DACH2: variants seen among roughly 807,000 people sequenced by gnomAD.
DACH2 encodes the protein dachshund family transcription factor 2.
In DACH2, 17 loss-of-function variants were observed where a neutral mutation model predicts 35.8. The ratio of observed to expected loss-of-function variants is 0.48; its 90% CI spans 0.33 to 0.71. The LOEUF is 0.71. Among genes scored for constraint, DACH2 ranks in the 30% least tolerant of loss-of-function variants. The probability of loss-of-function intolerance (pLI) is 0.02; values close to 1 mark genes in which losing one functional copy is unlikely to be tolerated. For missense variants in DACH2, 469 were observed against 472.7 expected (o/e 0.99, Z 0.07); for synonymous variants, 195 against 177.3 (o/e 1.10, Z -0.79).
intron 1 of DACH2, among the ~76,000 whole-genome samples, chrX:86,238,987 A>G (rs972719039): frequency 3.6e-5 from 4 of 111,467 alleles, no homozygotes; most frequent in Admixed American, 9.6e-5. Flanking sequence ...GGTGACTGCT[A>G]AAAGTGAGAA....
At chrX:86,426,404 T>C (rs184473751) in intron 2 of DACH2, among the ~76,000 whole-genome samples, 36 of 111,534 alleles carry the variant, frequency 3.2e-4, no homozygotes, top group Admixed American at 3.1e-3. Context: ...GGCTGTGTCA[T>C]CTATGATGTT....
chrX:86,277,804 C>T (rs1482342558), intron 1 of DACH2, among the ~76,000 whole-genome samples: 3 of 111,946 alleles, frequency 2.7e-5, no homozygotes, highest in African/African-American at 9.7e-5. Context: ...AAGAACTCAA[C>T]GTCCACCATT....
At chrX:86,546,323 C>T (rs1299764668) in intron 3 of DACH2, among the ~76,000 whole-genome samples, 1 of 89,363 alleles carries the variant, frequency 1.1e-5, no homozygotes, top group Non-Finnish European at 2.1e-5. Flanking sequence ...CTACCTCTTT[C>T]TTCTTCTTCT....
intron 2 of DACH2, among the ~76,000 whole-genome samples, chrX:86,445,979 G>A (rs1371598739): frequency 9.0e-6 from 1 of 111,492 alleles, no homozygotes. Context: ...TTGTGTTGCA[G>A]TCAATCTCTC....
intron 1 of DACH2, among the ~76,000 whole-genome samples, chrX:86,215,131 T>C (rs1330703458): frequency 9.0e-6 from 1 of 111,284 alleles, no homozygotes; most frequent in Non-Finnish European, 1.9e-5. Context: ...TTCTTCCCTC[T>C]CTTTCTCTGC....
intron 3 of DACH2, among the ~76,000 whole-genome samples, chrX:86,543,967 C>T (rs946539184): frequency 2.7e-5 from 3 of 109,754 alleles, no homozygotes; most frequent in Non-Finnish European, 5.7e-5. Flanking sequence ...CACATGTACC[C>T]TAAAACTTAA....
intron 4 of DACH2, among the ~76,000 whole-genome samples, chrX:86,683,827 T>C (rs1359748888): frequency 2.7e-5 from 3 of 111,311 alleles, no homozygotes; most frequent in Admixed American, 9.6e-5. Context: ...CTAGAGTAGG[T>C]AGATTATATT....
At chrX:86,251,323 T>G (rs2033395342) in intron 1 of DACH2, among the ~76,000 whole-genome samples, 1 of 111,402 alleles carries the variant, frequency 9.0e-6, no homozygotes, top group Non-Finnish European at 1.9e-5. Context: ...TTCTCTGTTA[T>G]TTCATTGACA....
chrX:86,164,087 G>GTTAT (rs1383977548), intron 1 of DACH2, among the ~76,000 whole-genome samples: 1 of 110,487 alleles, frequency 9.1e-6, no homozygotes, highest in African/African-American at 3.3e-5. Context: ...TCACCAGCAT[G>GTTAT]TTATTTATTT....
At chrX:86,758,129 T>C (rs1360880917) in intron 7 of DACH2, among the ~76,000 whole-genome samples, 3 of 111,855 alleles carry the variant, frequency 2.7e-5, no homozygotes, top group African/African-American at 9.7e-5. Flanking sequence ...TTTTATTTTG[T>C]TTCTTCGGGT....
chrX:86,611,617 G>C (rs1001342798), intron 3 of DACH2, among the ~76,000 whole-genome samples: 1 of 111,411 alleles, frequency 9.0e-6, no homozygotes, highest in Non-Finnish European at 1.9e-5. Flanking sequence ...ATTTCCCTCT[G>C]GCTAGGGTTG....
intron 2 of DACH2, among the ~76,000 whole-genome samples, chrX:86,418,620 C>G (rs748043483): frequency 9.0e-6 from 1 of 111,093 alleles, no homozygotes; most frequent in East Asian, 2.9e-4. Flanking sequence ...GCACACAGCA[C>G]GTGGACCCTG....
intron 3 of DACH2, among the ~76,000 whole-genome samples, chrX:86,542,948 G>A (rs1300118406): frequency 8.9e-6 from 1 of 112,291 alleles, no homozygotes; most frequent in South Asian, 3.7e-4. Context: ...GAGTCCATCT[G>A]ATGTTCACCC....
chrX:86,235,855 T>C (rs1012022659), intron 1 of DACH2, among the ~76,000 whole-genome samples: 3 of 111,894 alleles, frequency 2.7e-5, no homozygotes, highest in Middle Eastern at 4.2e-3. Flanking sequence ...GATACTAGGC[T>C]GGGCATGGTG....
At chrX:86,650,973 T>TA in intron 3 of DACH2, 63 bp from the exon 4 acceptor site, 1 of 1,024,736 alleles carries the variant, frequency 9.8e-7, no homozygotes, top group East Asian at 3.6e-5. Context: ...CCCCCAAATC[T>TA]AAAATAAAAG....
At chrX:86,193,482 T>G (rs756097320) in intron 1 of DACH2, among the ~76,000 whole-genome samples, 27 of 112,123 alleles carry the variant, frequency 2.4e-4, no homozygotes, top group Admixed American at 4.8e-4. Flanking sequence ...TTTTTCCCCT[T>G]ATTTAAATCA....
intron 2 of DACH2, among the ~76,000 whole-genome samples, chrX:86,511,490 C>A (rs774263905): frequency 1.6e-3 from 183 of 111,537 alleles, no homozygotes; most frequent in African/African-American, 5.3e-3. Flanking sequence ...AAGGGTCAAT[C>A]AGAAATTTTA....
At chrX:86,221,344 A>G (rs1001115388) in intron 1 of DACH2, among the ~76,000 whole-genome samples, 6 of 110,039 alleles carry the variant, frequency 5.5e-5, no homozygotes, top group Non-Finnish European at 1.9e-5. Flanking sequence ...TATTCTTAAA[A>G]CTCTTATTGA....
rs774166694 is a variant in DACH2, at chrX:86,378,950, T to A, written c.527+2088T>A. On this transcript the variant is annotated intron_variant, in intron 2 of 11. Transcript: ENST00000373125. ...CCTTCAAGTGATTTGAAAATTAAAA[T>A]TAAATTAGTATTTTTTTGCTTTCCT... is the stretch of plus-strand genomic sequence containing the variant. 7.8e-4 allele frequency among the ~76,000 whole-genome samples: 87 copies of A among 111,288 alleles called. 1 individual carries two copies. The highest frequency in any genetic ancestry group is 4.6e-3 in the Middle Eastern group (1 of 217).
Sources: gnomAD v4.1 joint callset for allele counts (sites outside exome capture counted in the v4.1 genomes callset) on GRCh38, gnomAD v4.1.1 for gene constraint, MANE v1.5 for transcripts, NCBI Gene and HGNC (gene_info 2026-07-23, HGNC 2026-07-21) for gene names.